FGD5: variants seen among roughly 807,000 people sequenced by gnomAD.
FGD5 encodes FYVE, RhoGEF and PH domain containing 5.
Under a neutral mutation model 133.4 loss-of-function variants are expected in FGD5, and 28 were observed. That is an observed-to-expected ratio of 0.21 (90% confidence interval 0.16 to 0.29). The LOEUF (loss-of-function observed/expected upper bound fraction) is 0.29, where lower values mean the gene tolerates loss of function less well. FGD5 is among the 10% of genes least tolerant of loss of function. FGD5 has a pLI of 1.00. For missense variants in FGD5, 1,858 were observed against 1,895.2 expected, an observed-to-expected ratio of 0.98 and a Z score of 0.36; for synonymous variants, 810 against 776.5, an observed-to-expected ratio of 1.04 and a Z score of -0.72.
At chr3:14,928,331 CA>C (rs1442496798) in intron 18 of FGD5, among the ~76,000 whole-genome samples, 9 of 152,120 alleles carry the variant, frequency 5.9e-5, no homozygotes, top group Admixed American at 1.3e-4. Flanking sequence ...CTTGGCCTCC[CA>C]AAGTGTTGGG....
intron 2 of FGD5, among the ~76,000 whole-genome samples, chr3:14,868,415 G>A (rs2037539574): frequency 1.3e-5 from 2 of 152,224 alleles, no homozygotes; most frequent in Non-Finnish European, 1.5e-5. Flanking sequence ...TGCTCTTGCC[G>A]GGCCGGCTGA....
intron 13 of FGD5, 106 bp downstream of exon 13, chr3:14,918,939 G>A: frequency 8.3e-7 from 1 of 1,210,348 alleles, no homozygotes; most frequent in Admixed American, 1.9e-5. Flanking sequence ...TATCCTTCTG[G>A]GTCAAAGTAT....
intron 4 of FGD5, among the ~76,000 whole-genome samples, chr3:14,884,650 C>T (rs531648174): frequency 6.6e-6 from 1 of 152,154 alleles, no homozygotes; most frequent in Admixed American, 6.5e-5. Context: ...CTAGAAATTT[C>T]GACAGGGCAC....
chr3:14,816,892 C>G (rs1229278516), upstream of FGD5, among the ~76,000 whole-genome samples: 1 of 152,126 alleles, frequency 6.6e-6, no homozygotes, highest in Admixed American at 6.5e-5. Flanking sequence ...GGCACTGATA[C>G]CAACTTTGGC....
chr3:14,827,768 G>C (rs1337231795), intron 1 of FGD5, among the ~76,000 whole-genome samples: 2 of 152,098 alleles, frequency 1.3e-5, no homozygotes, highest in African/African-American at 4.8e-5. Flanking sequence ...TGTGTGGCCA[G>C]CTGTGCCTGA....
chr3:14,900,973 G>T, intron 8 of FGD5, 30 bp from the exon 9 acceptor site: 1 of 1,613,806 alleles, frequency 6.2e-7, no homozygotes, highest in South Asian at 1.1e-5. Context: ...TCTTGCAATG[G>T]CCCAACTCCT....
upstream of FGD5, among the ~76,000 whole-genome samples, chr3:14,814,486 C>G (rs760606277): frequency 6.6e-6 from 1 of 152,116 alleles, no homozygotes; most frequent in Admixed American, 6.5e-5. Context: ...TTTTGTGATG[C>G]GGGTGAGTAG....
intron 2 of FGD5, among the ~76,000 whole-genome samples, chr3:14,873,224 T>C (rs1378912649): frequency 6.6e-6 from 1 of 152,166 alleles, no homozygotes; most frequent in Non-Finnish European, 1.5e-5. Context: ...GGGATCCCCT[T>C]GATCAAGAGG....
intron 4 of FGD5, among the ~76,000 whole-genome samples, chr3:14,883,968 T>G (rs1481002340): frequency 1.3e-5 from 2 of 152,176 alleles, no homozygotes; most frequent in Non-Finnish European, 2.9e-5. Flanking sequence ...GCTCACAGGC[T>G]CATGGTATGT....
chr3:14,923,271 C>T (rs531860875), intron 16 of FGD5, 96 bp downstream of exon 16: 37 of 1,477,638 alleles, frequency 2.5e-5, no homozygotes, highest in Middle Eastern at 4.0e-4. Flanking sequence ...TGCCTGAAAC[C>T]GCTTTCCCTG....
At chr3:14,872,966 G>A (rs1424159079) in intron 2 of FGD5, among the ~76,000 whole-genome samples, 1 of 152,240 alleles carries the variant, frequency 6.6e-6, no homozygotes. Flanking sequence ...CCTCATGGCA[G>A]TGAGAACAGA....
chr3:14,902,701 T>TC (rs1266819623), intron 9 of FGD5, among the ~76,000 whole-genome samples: 1 of 151,886 alleles, frequency 6.6e-6, no homozygotes, highest in Non-Finnish European at 1.5e-5. Flanking sequence ...ACAGTGAGAG[T>TC]CCCTCAACAC....
At chr3:14,841,206 G>C (rs1393734742) in intron 1 of FGD5, among the ~76,000 whole-genome samples, 1 of 152,226 alleles carries the variant, frequency 6.6e-6, no homozygotes, top group Non-Finnish European at 1.5e-5. Context: ...CAGAGGGGCT[G>C]CCTGGCCATC....
Position 14,910,945 on chromosome 3 carries a change from C to G in FGD5, c.3405+16C>G, listed in dbSNP as rs766004354. The G allele has an allele frequency of 1.2e-6, 2 of 1,607,568 alleles. No homozygotes were observed. The highest frequency in any genetic ancestry group is 4.5e-5 in the East Asian group (2 of 44,664). On this transcript the variant is annotated intron_variant, in intron 11 of 19. Transcript: ENST00000285046. Reference sequence around the variant, plus strand: ...CCTATTTCTGGTAAGTGCCCGGTCCCCAAGCCCAGCTCAGGAACTGCCAAG... The same window carrying G: ...CCTATTTCTGGTAAGTGCCCGGTCCGCAAGCCCAGCTCAGGAACTGCCAAG...
In FGD5 at chr3:14,917,702, T is replaced by C. The variant is rs76838170; in HGVS notation, c.3489+370T>C. Among the ~76,000 whole-genome samples, 3,713 of 152,298 alleles carry C rather than the reference T, an allele frequency of 0.024. 159 individuals are homozygous for C. Among genetic ancestry groups the C allele is most frequent in the African/African-American group, 0.083 (3,431 of 41,534 alleles). On this transcript the variant is annotated intron_variant, in intron 12 of 19. Coordinates refer to ENST00000285046, the MANE Select transcript of FGD5 (RefSeq NM_152536.4). The surrounding 1 kb of genome is among the most constrained non-coding windows in gnomAD (Gnocchi z 4.1). ...ACACATATCATTTTAAAAGTAACCA[T>C]TTTTAAATGTACAGTTCTGTGGCAC...
At chr3:14,828,143 A>G (rs574035646) in intron 1 of FGD5, among the ~76,000 whole-genome samples, 15 of 152,180 alleles carry the variant, frequency 9.9e-5, no homozygotes, top group Admixed American at 7.8e-4. Flanking sequence ...AAGGAGAGAG[A>G]GGGGGACCAG....
intron 17 of FGD5, among the ~76,000 whole-genome samples, chr3:14,924,716 C>A (rs62241794): frequency 0.057 from 8,640 of 152,182 alleles, 347 homozygotes; most frequent in Middle Eastern, 0.1. Flanking sequence ...TAGCAGGTAG[C>A]AAGGGTTTAA....
intron 11 of FGD5, among the ~76,000 whole-genome samples, chr3:14,912,822 G>C (rs1324488515): frequency 6.6e-6 from 1 of 152,128 alleles, no homozygotes; most frequent in African/African-American, 2.4e-5. Context: ...GGGTCACAAG[G>C]TCTGGAGTTC....
At chr3:14,903,587 AGT>A (rs2038284954) in intron 9 of FGD5, among the ~76,000 whole-genome samples, 1 of 143,424 alleles carries the variant, frequency 7.0e-6, no homozygotes, top group South Asian at 2.2e-4. Context: ...CCCACCTGTG[AGT>A]GAGAATATGC....
Sources: gnomAD v4.1 joint callset for allele counts (sites outside exome capture counted in the v4.1 genomes callset) on GRCh38, gnomAD v4.1.1 for gene constraint, Gnocchi (gnomAD v3.1) non-coding constraint, MANE v1.5 for transcripts, NCBI Gene and HGNC (gene_info 2026-07-23, HGNC 2026-07-21) for gene names.